The following CCDC192 variants were observed in gnomAD, a reference collection of about 807,000 sequenced individuals.
The protein encoded by CCDC192 is coiled-coil domain containing 192.
chr5:127,860,486 A>G (rs1381170839), intron 5 of CCDC192, among the ~76,000 whole-genome samples: 1 of 152,216 alleles, frequency 6.6e-6, no homozygotes, highest in East Asian at 1.9e-4. Context: ...AATTCTTGCT[A>G]AATGCCCACT....
chr5:127,743,487 C>G (rs1254301428), intron 2 of CCDC192, among the ~76,000 whole-genome samples: 1 of 152,134 alleles, frequency 6.6e-6, no homozygotes, highest in Non-Finnish European at 1.5e-5. Flanking sequence ...AGTAGCTGGT[C>G]CAAAGTCACA....
chr5:127,825,076 A>T (rs995147395), intron 5 of CCDC192, among the ~76,000 whole-genome samples: 10 of 152,224 alleles, frequency 6.6e-5, no homozygotes, highest in African/African-American at 1.7e-4. Flanking sequence ...AAAACAAAAA[A>T]CTAAGGTATC....
At chr5:127,895,390 AG>A (rs1191697225) in intron 6 of CCDC192, among the ~76,000 whole-genome samples, 1 of 152,240 alleles carries the variant, frequency 6.6e-6, no homozygotes, top group African/African-American at 2.4e-5. Flanking sequence ...AAAAGATTGA[AG>A]CTAGCTCCAG....
intron 3 of CCDC192, among the ~76,000 whole-genome samples, chr5:127,773,758 AT>A (rs1218463488): frequency 6.6e-6 from 1 of 152,072 alleles, no homozygotes; most frequent in African/African-American, 2.4e-5. Flanking sequence ...GTAAGTGTTC[AT>A]TTCTTTTTGG....
chr5:127,849,146 A>G (rs1750689085), intron 5 of CCDC192, among the ~76,000 whole-genome samples: 1 of 152,144 alleles, frequency 6.6e-6, no homozygotes, highest in Admixed American at 6.5e-5. Flanking sequence ...GGGAGAATCA[A>G]TTGAACCCAA....
At chr5:127,782,115 G>T (rs1756262124) in intron 3 of CCDC192, among the ~76,000 whole-genome samples, 1 of 151,992 alleles carries the variant, frequency 6.6e-6, no homozygotes, top group African/African-American at 2.4e-5. Flanking sequence ...TGTTTTTGTG[G>T]TGCATCACAT....
At chr5:127,863,537 G>T (rs1751461965) in intron 5 of CCDC192, among the ~76,000 whole-genome samples, 1 of 152,192 alleles carries the variant, frequency 6.6e-6, no homozygotes, top group South Asian at 2.1e-4. Flanking sequence ...AATTTTAGTT[G>T]CCAGAGGCTG....
In CCDC192 at chr5:127,941,396, A is replaced by G; in HGVS notation, c.750A>G (p.Pro250=). 2.5e-6 allele frequency: 1 copy of G among 399,092 alleles called. No individual in the cohort carries two copies. The highest frequency in any genetic ancestry group is 4.4e-6 in the Non-Finnish European group (1 of 226,066). 24.7% of individuals were successfully genotyped at this position (399,092 alleles called of 1,614,324 possible). A position where few individuals can be genotyped will look rare whatever the true frequency, so the allele number is the denominator to read the frequency against. ...PHPPQEVKDP[P]GCLPEAPVFS... is the part of the protein sequence containing the mutation. ...CTCCCCAAGAGGTCAAGGACCCTCCAGGATGTTTACCAGAAGCCCCAGTTT... is the reference window on the plus strand; with the variant it reads ...CTCCCCAAGAGGTCAAGGACCCTCCGGGATGTTTACCAGAAGCCCCAGTTT... Residue 250 remains proline, a synonymous_variant, in exon 7 of 7, where the codon CCA becomes CCG. Transcript: ENST00000514853.
intron 3 of CCDC192, among the ~76,000 whole-genome samples, chr5:127,773,659 A>C (rs78551611): frequency 0.013 from 2,004 of 152,220 alleles, 37 homozygotes; most frequent in African/African-American, 0.042. Context: ...ACATAATGCA[A>C]TTTGTTTATC....
intron 2 of CCDC192, among the ~76,000 whole-genome samples, chr5:127,751,112 AC>A (rs1458373154): frequency 4.1e-5 from 6 of 147,086 alleles, no homozygotes; most frequent in African/African-American, 1.3e-4. Flanking sequence ...TAGTCCATTT[AC>A]ATTTAAAGTT....
intron 5 of CCDC192, among the ~76,000 whole-genome samples, chr5:127,871,511 GAC>G (rs1402084306): frequency 6.6e-6 from 1 of 152,130 alleles, no homozygotes; most frequent in African/African-American, 2.4e-5. Flanking sequence ...AAACCAGAAA[GAC>G]ATAACTACTA....
chr5:127,719,209 T>A (rs563050273), intron 2 of CCDC192, among the ~76,000 whole-genome samples: 1 of 152,070 alleles, frequency 6.6e-6, no homozygotes, highest in Admixed American at 6.6e-5. Flanking sequence ...TTCATCCATA[T>A]TGTTGAAAAG....
chr5:127,823,656 T>G (rs1200542692), intron 5 of CCDC192, among the ~76,000 whole-genome samples: 2 of 152,210 alleles, frequency 1.3e-5, no homozygotes, highest in Non-Finnish European at 2.9e-5. Flanking sequence ...CAGGTGGGAC[T>G]GTTCTCATTG....
intron 5 of CCDC192, among the ~76,000 whole-genome samples, chr5:127,809,441 G>A (rs909740982): frequency 6.7e-6 from 1 of 148,150 alleles, no homozygotes; most frequent in Non-Finnish European, 1.5e-5. Flanking sequence ...TAGTGTGTTG[G>A]GGGGGATGCT....
At chr5:127,789,332 A>T (rs2077436333) in intron 3 of CCDC192, among the ~76,000 whole-genome samples, 2 of 152,250 alleles carry the variant, frequency 1.3e-5, no homozygotes, top group Non-Finnish European at 2.9e-5. Flanking sequence ...TCGAGAAGAC[A>T]TAAATAATCA....
At chr5:127,927,513 C>T (rs1269499907) in intron 6 of CCDC192, among the ~76,000 whole-genome samples, 8 of 151,718 alleles carry the variant, frequency 5.3e-5, no homozygotes, top group Non-Finnish European at 1.0e-4. Flanking sequence ...GCTTTGACTG[C>T]GAAGGCAAGA....
intron 6 of CCDC192, among the ~76,000 whole-genome samples, chr5:127,923,569 G>T (rs1445475403): frequency 1.3e-5 from 2 of 152,058 alleles, no homozygotes; most frequent in Non-Finnish European, 2.9e-5. Context: ...AGTAGAGACG[G>T]GGTTTCACCG....
chr5:127,706,419 C>G (rs551806736), intron 1 of CCDC192, among the ~76,000 whole-genome samples: 3 of 148,458 alleles, frequency 2.0e-5, no homozygotes, highest in African/African-American at 7.4e-5. Flanking sequence ...CCCAGTTACT[C>G]GGGAGACTGA....
intron 5 of CCDC192, among the ~76,000 whole-genome samples, chr5:127,869,044 C>T (rs1252419563): frequency 2.6e-5 from 4 of 152,066 alleles, no homozygotes; most frequent in Admixed American, 6.6e-5. Context: ...GAAATGAGGC[C>T]GGGCACGCTG....
Sources: gnomAD v4.1 joint callset for allele counts (sites outside exome capture counted in the v4.1 genomes callset) on GRCh38, gnomAD v4.1.1 for gene constraint, MANE v1.5 for transcripts, NCBI Gene and HGNC (gene_info 2026-07-23, HGNC 2026-07-21) for gene names.